DSCAM: variants seen among roughly 807,000 people sequenced by gnomAD.
DSCAM encodes the protein DS cell adhesion molecule.
Under a neutral mutation model 217.7 loss-of-function variants are expected in DSCAM, and 47 were observed. That is an observed-to-expected ratio of 0.22 (90% confidence interval 0.17 to 0.28). The LOEUF (loss-of-function observed/expected upper bound fraction) is 0.28, where lower values mean the gene tolerates loss of function less well. Among genes scored for constraint, DSCAM ranks in the 10% least tolerant of loss-of-function variants. The probability of loss-of-function intolerance (pLI) is 1.00; values close to 1 mark genes in which losing one functional copy is unlikely to be tolerated. For missense variants in DSCAM, 2,080 were observed against 2,618.3 expected (o/e 0.79, Z 4.49); for synonymous variants, 1,056 against 1,015.3 (o/e 1.04, Z -0.76).
intron 3 of DSCAM, among the ~76,000 whole-genome samples, chr21:40,390,375 G>T (rs2075123069): frequency 6.6e-6 from 1 of 152,106 alleles, no homozygotes; most frequent in African/African-American, 2.4e-5. Context: ...AAACTGACAG[G>T]TACAAAAATA....
intron 4 of DSCAM, among the ~76,000 whole-genome samples, chr21:40,362,053 G>A (rs914953170): frequency 6.6e-6 from 1 of 152,078 alleles, no homozygotes; most frequent in African/African-American, 2.4e-5. Context: ...ATAGTTTACT[G>A]AGAATGATGA....
chr21:40,297,310 C>A (rs2073965957), intron 9 of DSCAM, among the ~76,000 whole-genome samples: 1 of 152,194 alleles, frequency 6.6e-6, no homozygotes, highest in Non-Finnish European at 1.5e-5. Context: ...ATATGTATCA[C>A]ATCTCTTAGA....
At chr21:40,196,927 T>C (rs984683484) in intron 11 of DSCAM, among the ~76,000 whole-genome samples, 1 of 152,306 alleles carries the variant, frequency 6.6e-6, no homozygotes, top group East Asian at 1.9e-4. Context: ...GTGAGACACA[T>C]AGACAAAACA....
Position 40,312,304 on chromosome 21 carries a change from G to A in DSCAM, c.1839C>T (p.Val613=). ...EFPRFSIGQR[V]FIPCVVVSGD... is the part of the protein sequence containing the mutation. ...CTGAGACCACAACACAGGGGATGAAGACCCGCTGCCCAATGGAGAATCTTG... is the reference window on the plus strand; with the variant it reads ...CTGAGACCACAACACAGGGGATGAAAACCCGCTGCCCAATGGAGAATCTTG... Residue 613 remains valine (V), a synonymous_variant, in exon 9 of 33, where the codon GTC becomes GTT. Coordinates refer to ENST00000400454, the MANE Select transcript of DSCAM (RefSeq NM_001389.5). 1 of 1,614,104 alleles carries A rather than the reference G, an allele frequency of 6.2e-7. No individual in the cohort carries two copies. The highest frequency in any genetic ancestry group is 2.2e-5 in the East Asian group (1 of 44,830).
chr21:40,671,500 T>TC (rs147341396), intron 3 of DSCAM, among the ~76,000 whole-genome samples: 8,303 of 150,710 alleles, frequency 0.055, 630 homozygotes, highest in African/African-American at 0.17. Flanking sequence ...ATAGTGAAAC[T>TC]CCCCCCCCGC....
At chr21:40,476,151 A>C (rs2075933631) in intron 3 of DSCAM, among the ~76,000 whole-genome samples, 1 of 152,164 alleles carries the variant, frequency 6.6e-6, no homozygotes, top group South Asian at 2.1e-4. Flanking sequence ...CACCTCATAG[A>C]GAAAGGGGCT....
chr21:40,522,003 TA>T (rs2076363160), intron 3 of DSCAM, among the ~76,000 whole-genome samples: 1 of 152,164 alleles, frequency 6.6e-6, no homozygotes, highest in Admixed American at 6.5e-5. Context: ...TTAAACTTTT[TA>T]AAAAATATAT....
Position 40,637,184 on chromosome 21 carries a change from T to A in DSCAM, c.508+55626A>T, listed in dbSNP as rs1427482606. On this transcript the variant is annotated intron_variant, in intron 3 of 32. Coordinates refer to ENST00000400454, the MANE Select transcript of DSCAM (RefSeq NM_001389.5). ...AAATATAAATATATATATAAATATA[T>A]ATAAATATAAATATATATATAAATA... Among the ~76,000 whole-genome samples, 80 of 20,118 alleles carry A rather than the reference T, an allele frequency of 4.0e-3. 5 individuals are homozygous for A. The highest frequency in any genetic ancestry group is 5.9e-3 in the Non-Finnish European group (72 of 12,170). 13.2% of individuals were successfully genotyped at this position (20,118 alleles called of 152,430 possible). A position where few individuals can be genotyped will look rare whatever the true frequency, so the allele number is the denominator to read the frequency against.
intron 10 of DSCAM, among the ~76,000 whole-genome samples, chr21:40,279,001 C>G (rs1482592166): frequency 6.6e-6 from 1 of 152,136 alleles, no homozygotes; most frequent in Admixed American, 6.5e-5. Context: ...GGAACATCTA[C>G]TAACAAAACT....
At chr21:40,064,792 C>T (rs2089181811) in intron 27 of DSCAM, among the ~76,000 whole-genome samples, 2 of 152,134 alleles carry the variant, frequency 1.3e-5, no homozygotes, top group South Asian at 4.1e-4. Context: ...GTCTGGTGCA[C>T]AGTCTAGACA....
chr21:40,166,914 G>A (rs2090600892), intron 16 of DSCAM, among the ~76,000 whole-genome samples: 1 of 151,638 alleles, frequency 6.6e-6, no homozygotes, highest in Non-Finnish European at 1.5e-5. Flanking sequence ...TGAAATGAGA[G>A]CATGCAGTCA....
intron 1 of DSCAM, among the ~76,000 whole-genome samples, chr21:40,803,894 A>G (rs2091763817): frequency 6.6e-6 from 1 of 152,154 alleles, no homozygotes; most frequent in Non-Finnish European, 1.5e-5. Flanking sequence ...ATGGTCCTTC[A>G]GTGTCTCTAA....
At chr21:40,390,184 A>T (rs1380459157) in intron 3 of DSCAM, among the ~76,000 whole-genome samples, 3 of 152,290 alleles carry the variant, frequency 2.0e-5, no homozygotes, top group African/African-American at 7.2e-5. Flanking sequence ...TGGTATTCAG[A>T]CCTGCTCAGC....
At chr21:40,119,077 C>T (rs1368433834) in intron 20 of DSCAM, among the ~76,000 whole-genome samples, 1 of 152,170 alleles carries the variant, frequency 6.6e-6, no homozygotes, top group African/African-American at 2.4e-5. Flanking sequence ...GCATGTACTA[C>T]CACATACTCA....
At chr21:40,097,764 A>C (rs2146600821) in intron 20 of DSCAM, among the ~76,000 whole-genome samples, 1 of 151,764 alleles carries the variant, frequency 6.6e-6, no homozygotes, top group East Asian at 1.9e-4. Context: ...ACGTGGTGAA[A>C]CCCTGTCTCT....
rs1253917471 is a variant in DSCAM, at chr21:40,353,756, T to C, written c.656-13A>G. On this transcript the variant is annotated splice_polypyrimidine_tract_variant and intron_variant, in intron 4 of 32. Coordinates refer to ENST00000400454, the MANE Select transcript of DSCAM (RefSeq NM_001389.5). Reference sequence around the variant, plus strand: ...GAGTTCGCTGGGTCTGTAGAAGAAATAAAAACTCTTAGAGGCAGGAATGAG... The same window carrying C: ...GAGTTCGCTGGGTCTGTAGAAGAAACAAAAACTCTTAGAGGCAGGAATGAG... 1 of 1,518,774 alleles carries C rather than the reference T, an allele frequency of 6.6e-7. No homozygotes were observed. The highest frequency in any genetic ancestry group is 8.8e-7 in the Non-Finnish European group (1 of 1,142,568). The allele number at this position is 1,518,774 out of a possible 1,614,324, so 94.1% of individuals were successfully genotyped here. A position where few individuals can be genotyped will look rare whatever the true frequency, so the allele number is the denominator to read the frequency against.
intron 3 of DSCAM, among the ~76,000 whole-genome samples, chr21:40,686,237 C>T (rs1003128439): frequency 6.7e-6 from 1 of 150,296 alleles, no homozygotes; most frequent in Non-Finnish European, 1.5e-5. Flanking sequence ...ACAGAGCTCA[C>T]ACACCACACA....
chr21:40,753,841 C>A (rs536806810), intron 1 of DSCAM, among the ~76,000 whole-genome samples: 1 of 152,184 alleles, frequency 6.6e-6, no homozygotes, highest in Non-Finnish European at 1.5e-5. Flanking sequence ...AGACAAAAAT[C>A]TGAACCGCAC....
chr21:40,749,865 C>T (rs1223886310), intron 1 of DSCAM, among the ~76,000 whole-genome samples: 1 of 152,100 alleles, frequency 6.6e-6, no homozygotes, highest in East Asian at 1.9e-4. Context: ...CGGCCTGTAA[C>T]TGTCTGAAAC....
Sources: gnomAD v4.1 joint callset for allele counts (sites outside exome capture counted in the v4.1 genomes callset) on GRCh38, gnomAD v4.1.1 for gene constraint, MANE v1.5 for transcripts, NCBI Gene and HGNC (gene_info 2026-07-23, HGNC 2026-07-21) for gene names.